GLIS3: variants seen among roughly 807,000 people sequenced by gnomAD.
The protein encoded by GLIS3 is zinc finger protein GLIS3.
GLIS3 carries 53 observed loss-of-function variants against 78.6 expected under a neutral mutation model. The ratio of observed to expected loss-of-function variants is 0.67; its 90% CI spans 0.54 to 0.85. The LOEUF (loss-of-function observed/expected upper bound fraction) is 0.85, where lower values mean the gene tolerates loss of function less well. Among genes scored for constraint, GLIS3 ranks in the 40% least tolerant of loss-of-function variants. The probability of loss-of-function intolerance (pLI) is 0.00; values close to 1 mark genes in which losing one functional copy is unlikely to be tolerated. For missense variants in GLIS3, 1,703 were observed against 1,231.1 expected (o/e 1.38, Z -5.74); for synonymous variants, 684 against 509.9 (o/e 1.34, Z -4.60).
chr9:4,006,698 G>A (rs903654883), intron 4 of GLIS3, among the ~76,000 whole-genome samples: 3 of 152,198 alleles, frequency 2.0e-5, no homozygotes, highest in South Asian at 2.1e-4. Flanking sequence ...TTATTTAACA[G>A]GAAATGGATA....
In GLIS3 at chr9:4,118,666, G is replaced by C. The variant is rs779532052; in HGVS notation, c.812C>G (p.Ser271Cys). ...GCTACTTTCCGTGCCAAAAAGGTAGGATGGTAATGAGTTAGAGACACTATT... is the reference window on the plus strand; with the variant it reads ...GCTACTTTCCGTGCCAAAAAGGTAGCATGGTAATGAGTTAGAGACACTATT... ...SSNSVSNSLPSYLFGTESSHS... is the reference protein window; with the variant it reads ...SSNSVSNSLPCYLFGTESSHS... Residue 271 changes from serine (S) to cysteine (C), a missense_variant, in exon 4 of 11, where the codon TCC (serine) becomes TGC (cysteine). Physicochemically the swap from Ser to Cys is moderately radical, Grantham distance 112. Transcript: ENST00000381971. The surrounding 1 kb of genome is among the most constrained non-coding windows in gnomAD (Gnocchi z 4.7). 1.2e-5 allele frequency: 19 copies of C among 1,614,200 alleles called. No individual in the cohort carries two copies. Among genetic ancestry groups the C allele is most frequent in the Non-Finnish European group, 1.5e-5 (18 of 1,180,022 alleles).
chr9:4,365,814 C>T, the GLIS3 span, among the ~76,000 whole-genome samples: 1 of 152,178 alleles, frequency 6.6e-6, no homozygotes, highest in Admixed American at 6.5e-5. Flanking sequence ...TCTAAAATGT[C>T]ACCACCAAGT....
chr9:4,396,636 A>C, the GLIS3 span, among the ~76,000 whole-genome samples: 1 of 152,224 alleles, frequency 6.6e-6, no homozygotes, highest in African/African-American at 2.4e-5. Context: ...AGTGATTCTT[A>C]ACCATTTTTA....
intron 2 of GLIS3, among the ~76,000 whole-genome samples, chr9:4,285,365 C>G (rs1827896749): frequency 6.6e-6 from 1 of 152,120 alleles, no homozygotes; most frequent in Admixed American, 6.5e-5. Context: ...AATTAAAACA[C>G]TAATGAATTA....
Position 4,286,539 on chromosome 9 carries a change from A to C in GLIS3, c.-98-16T>G. On this transcript the variant is annotated splice_polypyrimidine_tract_variant and intron_variant, in intron 1 of 10. Coordinates refer to ENST00000381971, the MANE Select transcript of GLIS3 (RefSeq NM_001042413.2). The stretch of plus-strand genomic sequence containing the variant: ...GGTTATAAGCCTGTTTAAAAAAATA[A>C]ACGCAGGCATTTTTAAAAGCAAAAA... 1 of 1,275,716 alleles carries C rather than the reference A, an allele frequency of 7.8e-7. No individual in the cohort carries two copies. Among genetic ancestry groups the C allele is most frequent in the Admixed American group, 1.9e-5 (1 of 52,506 alleles). The allele number at this position is 1,275,716 out of a possible 1,614,324, so 79.0% of individuals were successfully genotyped here.
intron 2 of GLIS3, among the ~76,000 whole-genome samples, chr9:4,237,344 C>A (rs1822858674): frequency 6.6e-6 from 1 of 151,936 alleles, no homozygotes; most frequent in Non-Finnish European, 1.5e-5. Flanking sequence ...GAATGAATAA[C>A]CACTCATGGC....
At chr9:3,853,928 A>C (rs1222842655) in intron 9 of GLIS3, among the ~76,000 whole-genome samples, 2 of 152,216 alleles carry the variant, frequency 1.3e-5, no homozygotes, top group African/African-American at 4.8e-5. Context: ...TCAACTGTGA[A>C]ATGCTCCATT....
chr9:3,837,718 GA>G (rs1157415563), intron 9 of GLIS3, among the ~76,000 whole-genome samples: 33 of 152,196 alleles, frequency 2.2e-4, no homozygotes, highest in African/African-American at 8.0e-4. Flanking sequence ...CAACATTCTG[GA>G]AAAGGCAAAA....
intron 9 of GLIS3, chr9:3,855,771 A>T (rs1819740876): frequency 1.9e-6 from 1 of 514,172 alleles, no homozygotes; most frequent in Non-Finnish European, 3.5e-6. Flanking sequence ...CCAATGAAAA[A>T]ACCAGCAACT....
intron 2 of GLIS3, among the ~76,000 whole-genome samples, chr9:4,250,160 T>A (rs182095232): frequency 2.0e-5 from 3 of 152,220 alleles, no homozygotes; most frequent in Non-Finnish European, 4.4e-5. Context: ...GATTCCCTCT[T>A]TTTCTATTGT....
At chr9:4,420,204 AG>A in the GLIS3 span, among the ~76,000 whole-genome samples, 3 of 152,184 alleles carry the variant, frequency 2.0e-5, no homozygotes, top group Non-Finnish European at 4.4e-5. Context: ...ATCACTGAAG[AG>A]GGGGCCACAT....
chr9:4,238,070 C>T (rs2129646231), intron 2 of GLIS3, among the ~76,000 whole-genome samples: 1 of 152,300 alleles, frequency 6.6e-6, no homozygotes, highest in African/African-American at 2.4e-5. Flanking sequence ...CCCTGTCCTG[C>T]TTCTATACCA....
chr9:4,118,773 A>C lies in GLIS3; in HGVS notation c.705T>G (p.Pro235=), dbSNP rs768438666. The C allele has an allele frequency of 1.7e-5, 28 of 1,612,968 alleles. No homozygotes were observed. Among genetic ancestry groups the C allele is most frequent in the Non-Finnish European group, 2.0e-5 (24 of 1,180,030 alleles). Residue 235 remains proline, a synonymous_variant, in exon 4 of 11, where the codon CCT becomes CCG. Transcript: ENST00000381971. This position sits in a 1 kb window ranked among gnomAD's most constrained non-coding sequence, Gnocchi z 4.7. ...QEWSQGYRAL[P]SLSNHGSQNG... ...TCTGAGAGCCGTGGTTGGAGAGCGAAGGGAGGGCCCTGTAGCCCTGGGACC... is the reference window on the plus strand; with the variant it reads ...TCTGAGAGCCGTGGTTGGAGAGCGACGGGAGGGCCCTGTAGCCCTGGGACC...
At chr9:4,412,076 C>G in the GLIS3 span, among the ~76,000 whole-genome samples, 1,836 of 152,292 alleles carry the variant, frequency 0.012, 45 homozygotes, top group African/African-American at 0.042. Context: ...TAAACAGCAT[C>G]TCTGTCCTCA....
intron 2 of GLIS3, among the ~76,000 whole-genome samples, chr9:4,341,216 T>C (rs1817829783): frequency 6.6e-6 from 1 of 152,232 alleles, no homozygotes; most frequent in Non-Finnish European, 1.5e-5. Flanking sequence ...TCTCTATCCA[T>C]CTACTTCCAC....
chr9:4,283,570 G>A (rs562137024), intron 2 of GLIS3, among the ~76,000 whole-genome samples: 7 of 152,214 alleles, frequency 4.6e-5, no homozygotes, highest in Admixed American at 2.6e-4. Context: ...CCCACCTACT[G>A]TGCTGTAGTT....
chr9:4,227,164 C>A (rs903509038), intron 2 of GLIS3, among the ~76,000 whole-genome samples: 1 of 152,114 alleles, frequency 6.6e-6, no homozygotes, highest in Non-Finnish European at 1.5e-5. Context: ...CAGCAACTGG[C>A]AACCTAAGCA....
rs142990835 is a variant in GLIS3 at position 4,294,610 on chromosome 9, A to T, written c.-99+4811T>A. ...GACCCAATAAATGTTATTTTACTCT[A>T]CACACCTCTCTTTCAACATTCATAA... On this transcript the variant is annotated intron_variant, in intron 1 of 10. Coordinates refer to ENST00000381971, the MANE Select transcript of GLIS3 (RefSeq NM_001042413.2). Among the ~76,000 whole-genome samples, 674 of 152,266 alleles carry T rather than the reference A, an allele frequency of 4.4e-3. 5 individuals carry two copies. The highest frequency in any genetic ancestry group is 0.016 in the African/African-American group (648 of 41,546).
intron 2 of GLIS3, among the ~76,000 whole-genome samples, chr9:4,161,963 G>T (rs1835514853): frequency 6.6e-6 from 1 of 152,108 alleles, no homozygotes; most frequent in Admixed American, 6.5e-5. Context: ...TGGGATTACA[G>T]GCGTGAGCCA....
Sources: gnomAD v4.1 joint callset for allele counts (sites outside exome capture counted in the v4.1 genomes callset) on GRCh38, gnomAD v4.1.1 for gene constraint, Gnocchi (gnomAD v3.1) non-coding constraint, MANE v1.5 for transcripts, NCBI Gene and HGNC (gene_info 2026-07-23, HGNC 2026-07-21) for gene names.